Variants in TNXB observed in about 807,000 individuals in gnomAD.
TNXB encodes tenascin XB.
A neutral mutation model predicts 340.5 loss-of-function variants in TNXB; 183 were observed. That is an observed-to-expected ratio of 0.54 (90% CI 0.48 to 0.61). The LOEUF is 0.61. TNXB is among the 20% of genes least tolerant of loss of function. The pLI, the probability that TNXB is intolerant of heterozygous loss-of-function variation, is 0.00. For missense variants in TNXB, 4,613 were observed against 5,446.4 expected (o/e 0.85, Z 4.82); for synonymous variants, 2,121 against 2,314.5 (o/e 0.92, Z 2.40).
chr6:32,079,158 C>T lies in TNXB; in HGVS notation c.4250G>A (p.Arg1417His), dbSNP rs777054871. The part of the protein sequence containing the change: ...KDRDGRPRAV[R>H]VGGKESEVTV... ...GACCTCACTCTCCTTGCCCCCAACA[C>T]GCACCGCCCGGGGCCGCCCATCCCT... Residue 1417 changes from arginine to histidine, a missense_variant, in exon 11 of 44, where the codon CGT becomes CAT. Physicochemically the swap from Arg to His is conservative, Grantham distance 29. Around this residue, in one of 7 missense-constraint regions of TNXB, gnomAD observed 4,327 missense variants for 4,859.4 expected, o/e 0.89. Coordinates refer to ENST00000644971, the MANE Select transcript of TNXB (RefSeq NM_001365276.2). The surrounding 1 kb of genome is among the most constrained non-coding windows in gnomAD (Gnocchi z 7.1). The T allele has an allele frequency of 1.7e-5, 28 of 1,613,762 alleles. No individual in the cohort carries two copies. The highest frequency in any genetic ancestry group is 4.0e-5 in the African/African-American group (3 of 74,944).
Position 32,080,779 on chromosome 6 carries a change from A to G in TNXB, c.4042+589T>C, listed in dbSNP as rs1779382761. ...CACTGGACAGGGAAAGGCTGGGGAC[A>G]TGGAGGAACAGGCTGGGATGCTGGG... is the stretch of plus-strand genomic sequence containing the variant. On this transcript the variant is annotated intron_variant, in intron 10 of 43. Coordinates refer to ENST00000644971, the MANE Select transcript of TNXB (RefSeq NM_001365276.2). The surrounding 1 kb of genome is among the most constrained non-coding windows in gnomAD (Gnocchi z 4.3). Among the ~76,000 whole-genome samples the G allele has an allele frequency of 6.6e-6, 1 of 152,210 alleles. No individual in the cohort carries two copies.
chr6:32,101,259 G>A (rs544562056), intron 1 of TNXB, among the ~76,000 whole-genome samples: 1 of 151,902 alleles, frequency 6.6e-6, no homozygotes, highest in Admixed American at 6.6e-5. Flanking sequence ...AGCCTCTGGA[G>A]TAGCTAGGAT....
At position 32,087,490 on chromosome 6, in the gene TNXB, C is replaced by T. The variant is rs1329842623; in HGVS notation, c.2779+1295G>A. On this transcript the variant is annotated intron_variant, in intron 6 of 43. Coordinates refer to ENST00000644971, the MANE Select transcript of TNXB (RefSeq NM_001365276.2). This position sits in a 1 kb window ranked among gnomAD's most constrained non-coding sequence, Gnocchi z 9.0. ...CACGAGAAGCGCGCCATCGGCGGAA[C>T]TGCCCAGCACCTCTGGCTTGGGGTG... 4.1e-6 allele frequency: 2 copies of T among 489,696 alleles called. No homozygotes were observed. The highest frequency in any genetic ancestry group is 1.5e-5 in the South Asian group (1 of 67,568). The allele number at this position is 489,696 out of a possible 1,614,324, so 30.3% of individuals were successfully genotyped here.
Position 32,095,990 on chromosome 6 carries a change from G to A in TNXB, c.1863C>T (p.Cys621=), listed in dbSNP as rs2127287932. The change falls in exon 3 of 44, where the codon TGC becomes TGT. Residue 621 remains cysteine (C), a synonymous_variant. Coordinates refer to ENST00000644971, the MANE Select transcript of TNXB (RefSeq NM_001365276.2). The part of the protein sequence containing the change: ...YVSEDCSIRT[C]PSNCHGRGRC... ...GGCCCCTCCCGTGGCAGTTGGAGGG[G>A]CAGGTGCGGATGCTGCAGTCCTCAC... 6.2e-7 allele frequency: 1 copy of A among 1,612,900 alleles called. No homozygotes were observed. The highest frequency in any genetic ancestry group is 1.3e-5 in the African/African-American group (1 of 75,010).
Position 32,082,684 on chromosome 6 carries a change from G to A in TNXB, c.3446-358C>T, listed in dbSNP as rs1779543316. Among the ~76,000 whole-genome samples the A allele has an allele frequency of 6.6e-6, 1 of 152,166 alleles. No homozygotes were observed. The stretch of plus-strand genomic sequence containing the variant: ...CTCCATAGCCAGGGAAATCTTCCCA[G>A]TACAACCTCCACTGCTTCCAAGCCT... On this transcript the variant is annotated intron_variant, in intron 8 of 43. Transcript: ENST00000644971. The surrounding 1 kb of genome is among the most constrained non-coding windows in gnomAD (Gnocchi z 5.0).
In TNXB at chr6:32,061,119, G is replaced by A. The variant is rs916443464; in HGVS notation, c.7492+278C>T. ...GTATGTGGTTATAACAAAGAATGCT[G>A]TTATTAAGATGGAAAGAAAGGAAAA... On this transcript the variant is annotated intron_variant, in intron 21 of 43. Coordinates refer to ENST00000644971, the MANE Select transcript of TNXB (RefSeq NM_001365276.2). The surrounding 1 kb of genome is among the most constrained non-coding windows in gnomAD (Gnocchi z 4.4). Among the ~76,000 whole-genome samples, 7 of 151,906 alleles carry A rather than the reference G, an allele frequency of 4.6e-5. No homozygotes were observed. Among genetic ancestry groups the A allele is most frequent in the Admixed American group, 4.6e-4 (7 of 15,278 alleles).
In TNXB at chr6:32,073,869, G is replaced by A. The variant is rs1431114387; in HGVS notation, c.4459C>T (p.Pro1487Ser). 6.2e-7 allele frequency: 1 copy of A among 1,610,912 alleles called. No homozygotes were observed. Among genetic ancestry groups the A allele is most frequent in the African/African-American group, 1.3e-5 (1 of 74,846 alleles). ...GTCCAGGAGAGGCCCACAGAGTTGGGGGTCACATCTGTCACTGTCAGCTCT... is the reference window on the plus strand; with the variant it reads ...GTCCAGGAGAGGCCCACAGAGTTGGAGGTCACATCTGTCACTGTCAGCTCT... ...LGELTVTDVTPNSVGLSWTVP... is the reference protein window; with the variant it reads ...LGELTVTDVTSNSVGLSWTVP... Residue 1487 changes from proline (P) to serine (S), a missense_variant, in exon 12 of 44, where the codon CCC becomes TCC. Physicochemically the swap from Pro to Ser is moderately conservative, Grantham distance 74. Transcript: ENST00000644971. The surrounding 1 kb of genome is among the most constrained non-coding windows in gnomAD (Gnocchi z 4.6).
In TNXB at chr6:32,087,885, C is replaced by A. The variant is rs756616916; in HGVS notation, c.2779+900G>T. 1.5e-5 allele frequency: 5 copies of A among 323,654 alleles called. No individual in the cohort carries two copies. Among genetic ancestry groups the A allele is most frequent in the South Asian group, 1.2e-4 (5 of 40,452 alleles). 20.0% of individuals were successfully genotyped at this position (323,654 alleles called of 1,614,324 possible). On this transcript the variant is annotated intron_variant, in intron 6 of 43. Transcript: ENST00000644971. This position sits in a 1 kb window ranked among gnomAD's most constrained non-coding sequence, Gnocchi z 9.0. The stretch of plus-strand genomic sequence containing the variant: ...CCTCCTCCCTTTCCTCTGCTGGCCT[C>A]GAGGGCCAAGGGGGCCGTGGGGGCC...
rs1173179481 is a variant in TNXB at position 32,095,102 on chromosome 6, C to A, written c.2332G>T (p.Ala778Ser). The A allele has an allele frequency of 3.2e-6, 5 of 1,549,152 alleles. No homozygotes were observed. In the Admixed American group the frequency reaches 7.8e-5, roughly 24 times the overall value. Residue 778 changes from alanine to serine, a missense_variant, in exon 4 of 44, where the codon GCC (alanine) becomes TCC (serine). By Grantham distance (99) the Ala-to-Ser change is moderately conservative. Transcript: ENST00000644971. ...EWTPAPGPVD[A>S]YEIQFIPTTE... ...GTGGGGATGAACTGAATTTCATAGG[C>A]ATCCACGGGGCCAGGAGCCGGGGTC...
rs1415025462 is a variant in TNXB, at chr6:32,052,275, C to G, written c.9115+395G>C. Among the ~76,000 whole-genome samples the G allele has an allele frequency of 6.6e-6, 1 of 151,900 alleles. No homozygotes were observed. The highest frequency in any genetic ancestry group is 1.5e-5 in the Non-Finnish European group (1 of 67,964). ...GACCATCCTGGCTAACACGGTGAAA[C>G]CCATCTCTACTAAAAATATGAAAAA... On this transcript the variant is annotated intron_variant, in intron 26 of 43. Transcript: ENST00000644971. The surrounding 1 kb of genome is among the most constrained non-coding windows in gnomAD (Gnocchi z 4.7).
Position 32,084,081 on chromosome 6 carries a change from G to A in TNXB, c.3445+332C>T, listed in dbSNP as rs558055806. Among the ~76,000 whole-genome samples, 15 of 152,198 alleles carry A rather than the reference G, an allele frequency of 9.9e-5. No individual in the cohort carries two copies. The highest frequency in any genetic ancestry group is 2.2e-4 in the African/African-American group (9 of 41,510). Reference sequence around the variant, plus strand: ...CTTCAGAGGCCCTCTAGGGGCCTTCGAATGAGGCCCAAGCCCCTCAGCACA... The same window carrying A: ...CTTCAGAGGCCCTCTAGGGGCCTTCAAATGAGGCCCAAGCCCCTCAGCACA... On this transcript the variant is annotated intron_variant, in intron 8 of 43. Transcript: ENST00000644971. The surrounding 1 kb of genome is among the most constrained non-coding windows in gnomAD (Gnocchi z 5.5).
In TNXB at chr6:32,090,341, G is replaced by A. The variant is rs1349446903; in HGVS notation, c.2359-962C>T. Among the ~76,000 whole-genome samples the A allele has an allele frequency of 6.6e-6, 1 of 152,210 alleles. No individual in the cohort carries two copies. The highest frequency in any genetic ancestry group is 1.5e-5 in the Non-Finnish European group (1 of 68,038). ...TACATTTAAGGAATTATGATTATGT[G>A]TGGTGCCTCCAAAGGGAATCTACTG... On this transcript the variant is annotated intron_variant, in intron 4 of 43. Coordinates refer to ENST00000644971, the MANE Select transcript of TNXB (RefSeq NM_001365276.2). This position sits in a 1 kb window ranked among gnomAD's most constrained non-coding sequence, Gnocchi z 4.3.
Position 32,075,233 on chromosome 6 carries a change from A to G in TNXB, c.4376-1281T>C, listed in dbSNP as rs1279221846. Among the ~76,000 whole-genome samples, 2 of 152,122 alleles carry G rather than the reference A, an allele frequency of 1.3e-5. No individual in the cohort carries two copies. Among genetic ancestry groups the G allele is most frequent in the African/African-American group, 4.8e-5 (2 of 41,426 alleles). On this transcript the variant is annotated intron_variant, in intron 11 of 43. Coordinates refer to ENST00000644971, the MANE Select transcript of TNXB (RefSeq NM_001365276.2). The surrounding 1 kb of genome is among the most constrained non-coding windows in gnomAD (Gnocchi z 4.6). ...GCAGCCAGAAGGATCCTGTTAACAC[A>G]TTAGCCAGAGCTGGTTCCCGCAGTG...
intron 1 of TNXB, among the ~76,000 whole-genome samples, chr6:32,104,597 G>A (rs139263534): frequency 0.01 from 1,520 of 151,326 alleles, 16 homozygotes; most frequent in Non-Finnish European, 0.013. Context: ...GCTTCCATCC[G>A]CCTCTTGCCT....
chr6:32,050,466 G>T, intron 26 of TNXB, 145 bp from the exon 27 acceptor site: 3 of 1,138,196 alleles, frequency 2.6e-6, no homozygotes, highest in Non-Finnish European at 2.5e-6. Flanking sequence ...CTCCTCCCCT[G>T]CGGCCTTTCC....
In TNXB at chr6:32,095,084, T is replaced by A. The variant is rs1247829551; in HGVS notation, c.2350A>T (p.Ile784Phe). The change falls in exon 4 of 44, where the codon ATC (isoleucine) becomes TTC (phenylalanine). Residue 784 changes from isoleucine to phenylalanine, a missense_variant. This residue lies in a region of TNXB where 4,327 missense variants were observed against 4,859.4 expected (regional missense o/e 0.89). Coordinates refer to ENST00000644971, the MANE Select transcript of TNXB (RefSeq NM_001365276.2). Reference protein sequence around the residue: ...GPVDAYEIQFIPTTEGASPPF... With the variant: ...GPVDAYEIQFFPTTEGASPPF... ...CCTGGCATCTCTCTCACCGTGGGGA[T>A]GAACTGAATTTCATAGGCATCCACG... 4 of 1,548,464 alleles carry A rather than the reference T, an allele frequency of 2.6e-6. No individual in the cohort carries two copies. Among genetic ancestry groups the A allele is most frequent in the African/African-American group, 1.4e-5 (1 of 73,102 alleles).
In TNXB at chr6:32,095,210, T is replaced by C. The variant is rs1200417554; in HGVS notation, c.2243-19A>G. ...GGCACCTCTGCCCAAGAGAATGGGT[T>C]AGGGAAAGCTGGTTAGCACAAGGCA... On this transcript the variant is annotated intron_variant, in intron 3 of 43. Transcript: ENST00000644971. 1.3e-6 allele frequency: 2 copies of C among 1,544,524 alleles called. No individual in the cohort carries two copies. The highest frequency in any genetic ancestry group is 2.0e-5 in the Admixed American group (1 of 50,962).
In TNXB at chr6:32,048,471, G is replaced by A; in HGVS notation, c.9937C>T (p.Arg3313Ter). The A allele has an allele frequency of 1.9e-6, 3 of 1,599,492 alleles. No homozygotes were observed. The highest frequency in any genetic ancestry group is 2.2e-5 in the East Asian group (1 of 44,658). Reference protein sequence around the residue: ...PQAVPVSGDLRAVAVSGLDPA... With the variant: ...PQAVPVSGDL ...TCCAGCCCCGAGACGGCGACCGCTC[G>A]GAGGTCTCCGCTCACAGGCACTGCC... The change falls in exon 29 of 44, where the codon CGA (arginine) becomes TGA (stop). Residue 3313 changes from arginine (R) to a stop codon, truncating the protein, a stop_gained. Coordinates refer to ENST00000644971, the MANE Select transcript of TNXB (RefSeq NM_001365276.2). LOFTEE classifies it high-confidence loss of function.
rs536054701 is a variant in TNXB at position 32,064,637 on chromosome 6, T to C, written c.6841+184A>G. Among the ~76,000 whole-genome samples the C allele has an allele frequency of 6.6e-6, 1 of 152,092 alleles. No individual in the cohort carries two copies. The highest frequency in any genetic ancestry group is 1.5e-5 in the Non-Finnish European group (1 of 68,024). On this transcript the variant is annotated intron_variant, in intron 19 of 43. Transcript: ENST00000644971. This position sits in a 1 kb window ranked among gnomAD's most constrained non-coding sequence, Gnocchi z 5.3. ...CCTCTTTGGGAACCCAAAAAGCCCA[T>C]GTGTAACGGGCAGAAGACCTGGGGC...
Sources: allele counts gnomAD v4.1 joint callset (sites outside exome capture counted in the v4.1 genomes callset), GRCh38; gene constraint gnomAD v4.1.1; regional missense constraint gnomAD v4.1.1; non-coding constraint Gnocchi (gnomAD v3.1); transcripts MANE v1.5; gene names NCBI Gene and HGNC (gene_info 2026-07-23, HGNC 2026-07-21).